The following LRRC9 variants were observed in gnomAD, a reference collection of about 807,000 sequenced individuals.
LRRC9 encodes the protein leucine rich repeat containing 9, also known as leucine-rich repeat-containing protein 9.
Under a neutral mutation model 63.2 loss-of-function variants are expected in LRRC9, and 122 were observed. That is an observed-to-expected ratio of 1.93 (90% CI 1.67 to 2.24). The LOEUF (loss-of-function observed/expected upper bound fraction) is 2.24, where lower values mean the gene tolerates loss of function less well. Ranked by LOEUF, LRRC9 falls within the 30% of genes most tolerant of loss-of-function variation. The probability of loss-of-function intolerance (pLI) is 0.00; values close to 1 mark genes in which losing one functional copy is unlikely to be tolerated. For synonymous variants in LRRC9, 366 were observed against 213.1 expected (o/e 1.72, Z -6.25); for missense variants, 1,071 against 627.7 (o/e 1.71, Z -7.55).
chr14:60,043,951 G>T (rs1267150596), intron 29 of LRRC9, among the ~76,000 whole-genome samples: 1 of 151,024 alleles, frequency 6.6e-6, no homozygotes, highest in Non-Finnish European at 1.5e-5. Flanking sequence ...TTCTTTTATG[G>T]GACATGTTTT....
intron 8 of LRRC9, among the ~76,000 whole-genome samples, chr14:59,952,747 T>G (rs1388810427): frequency 6.6e-6 from 1 of 152,130 alleles, no homozygotes; most frequent in Non-Finnish European, 1.5e-5. Flanking sequence ...CCTATCAACC[T>G]GTCATCTAGG....
At chr14:60,035,059 T>C (rs935877643) in intron 29 of LRRC9, among the ~76,000 whole-genome samples, 3 of 151,998 alleles carry the variant, frequency 2.0e-5, no homozygotes, top group African/African-American at 7.2e-5. Context: ...TGATACCACA[T>C]TGTGGTTTGG....
chr14:60,039,890 T>C (rs145121883), intron 29 of LRRC9, among the ~76,000 whole-genome samples: 2,329 of 152,276 alleles, frequency 0.015, 80 homozygotes, highest in African/African-American at 0.053. Flanking sequence ...TGCTTTCTCC[T>C]GTGTACATTT....
At chr14:60,048,550 T>C (rs1039430908) in intron 29 of LRRC9, among the ~76,000 whole-genome samples, 6 of 152,060 alleles carry the variant, frequency 3.9e-5, no homozygotes, top group African/African-American at 1.2e-4. Flanking sequence ...AAGAAATGGA[T>C]AAATTCCTGG....
chr14:60,008,526 A>G (rs1889999184), intron 23 of LRRC9, among the ~76,000 whole-genome samples: 1 of 152,178 alleles, frequency 6.6e-6, no homozygotes, highest in African/African-American at 2.4e-5. Context: ...CTGGGGATTT[A>G]GCATCCTCCT....
Position 60,005,236 on chromosome 14 carries a change from T to C in LRRC9, c.2843-1161T>C, listed in dbSNP as rs183648322. On this transcript the variant is annotated intron_variant, in intron 21 of 31. Transcript: ENST00000445360. ...AATCACTTAGGACACTTATTGAAGA[T>C]ACAGATTCACAGGCCTCTCTTCTGT... Among the ~76,000 whole-genome samples the C allele has an allele frequency of 7.0e-4, 107 of 152,212 alleles. 2 individuals are homozygous for C. The highest frequency in any genetic ancestry group is 2.4e-3 in the African/African-American group (100 of 41,584).
At chr14:60,012,229 CTA>C (rs1566874970) in intron 23 of LRRC9, among the ~76,000 whole-genome samples, 1 of 152,132 alleles carries the variant, frequency 6.6e-6, no homozygotes, top group Admixed American at 6.5e-5. Flanking sequence ...ACAAGGAACT[CTA>C]GAGAAGTTAC....
In LRRC9 at chr14:59,990,531, G is replaced by C. The variant is rs930058728; in HGVS notation, c.2211+5307G>C. Among the ~76,000 whole-genome samples, 1 of 151,608 alleles carries C rather than the reference G, an allele frequency of 6.6e-6. No homozygotes were observed. The highest frequency in any genetic ancestry group is 6.6e-5 in the Admixed American group (1 of 15,212). Reference sequence around the variant, plus strand: ...AGTGATCCCCTTGCCTCAGCCTCCTGGGTAGCTGGAACTACAGGTGCATGC... The same window carrying C: ...AGTGATCCCCTTGCCTCAGCCTCCTCGGTAGCTGGAACTACAGGTGCATGC... On this transcript the variant is annotated intron_variant, in intron 17 of 31. Coordinates refer to ENST00000445360, the Ensembl canonical transcript of LRRC9. This position sits in a 1 kb window ranked among gnomAD's most constrained non-coding sequence, Gnocchi z 4.2.
At position 59,962,137 on chromosome 14, in the gene LRRC9, G is replaced by C. The variant is rs994645050; in HGVS notation, c.1211+1092G>C. On this transcript the variant is annotated intron_variant, in intron 10 of 31. Transcript: ENST00000445360. This position sits in a 1 kb window ranked among gnomAD's most constrained non-coding sequence, Gnocchi z 5.1. ...CCTCTGTGAGTAAAAGCTTCTCAAA[G>C]GTCTTGGGAGAACTCTGATGGAAAA... Among the ~76,000 whole-genome samples the C allele has an allele frequency of 2.0e-5, 3 of 152,110 alleles. No homozygotes were observed. Among genetic ancestry groups the C allele is most frequent in the African/African-American group, 7.2e-5 (3 of 41,422 alleles).
chr14:59,981,934 G>T, exon 16 of LRRC9: 1 of 702,568 alleles, frequency 1.4e-6, no homozygotes. Flanking sequence ...TATTTTCCAA[G>T]GATTTGAAAT....
Position 60,027,742 on chromosome 14 carries a change from A to T in LRRC9, c.3704-142A>T, listed in dbSNP as rs1328294880. ...CTACCTTCCTGTAAATTACATTTCA[A>T]TTTCTCTTTGGAAATAAGTTTCTTG... On this transcript the variant is annotated intron_variant, in intron 27 of 31. Transcript: ENST00000445360. This position sits in a 1 kb window ranked among gnomAD's most constrained non-coding sequence, Gnocchi z 4.0. 3.7e-6 allele frequency: 2 copies of T among 534,238 alleles called. No individual in the cohort carries two copies. The highest frequency in any genetic ancestry group is 5.9e-5 in the East Asian group (2 of 33,870). The allele number at this position is 534,238 out of a possible 1,614,324, so 33.1% of individuals were successfully genotyped here. A position where few individuals can be genotyped will look rare whatever the true frequency, so the allele number is the denominator to read the frequency against.
chr14:59,971,893 A>G (rs1479832387), intron 12 of LRRC9, among the ~76,000 whole-genome samples: 1 of 151,978 alleles, frequency 6.6e-6, no homozygotes, highest in Non-Finnish European at 1.5e-5. Flanking sequence ...TAGTTCTTCC[A>G]TTTTTCACAG....
intron 25 of LRRC9, 123 bp from the exon 26 acceptor site, chr14:60,018,998 G>T (rs1481927181): frequency 8.4e-6 from 4 of 475,920 alleles, no homozygotes; most frequent in African/African-American, 8.1e-5. Context: ...GATTATTTAG[G>T]ATATAAACAT....
chr14:60,009,352 G>A (rs771989074), intron 23 of LRRC9, among the ~76,000 whole-genome samples: 18 of 152,266 alleles, frequency 1.2e-4, no homozygotes, highest in South Asian at 2.1e-4. Flanking sequence ...CAAAGGAAGC[G>A]TAAAGTCATG....
intron 22 of LRRC9, among the ~76,000 whole-genome samples, 169 bp from the exon 23 acceptor site, chr14:60,007,923 G>A: frequency 8.2e-6 from 1 of 121,898 alleles, no homozygotes; most frequent in East Asian, 2.3e-4. Context: ...CTGAGCAACA[G>A]CACGAGACCA....
At chr14:60,062,915 G>C (rs1479989972) in intron 31 of LRRC9, among the ~76,000 whole-genome samples, 3 of 147,874 alleles carry the variant, frequency 2.0e-5, no homozygotes, top group African/African-American at 7.4e-5. Flanking sequence ...TTTTGAGACA[G>C]AGTTTCACTC....
intron 23 of LRRC9, among the ~76,000 whole-genome samples, chr14:60,010,858 C>A (rs989801220): frequency 6.6e-6 from 1 of 152,158 alleles, no homozygotes; most frequent in Non-Finnish European, 1.5e-5. Context: ...CCATCTGAGA[C>A]CACCTCAGCC....
chr14:59,968,595 G>T (rs1002296339), intron 12 of LRRC9, among the ~76,000 whole-genome samples: 4 of 152,216 alleles, frequency 2.6e-5, no homozygotes, highest in Admixed American at 6.5e-5. Context: ...GTCACTGCAG[G>T]GTGGTGGTGA....
At chr14:59,944,491 A>T in intron 7 of LRRC9, 98 bp from the exon 8 acceptor site, 2 of 424,540 alleles carry the variant, frequency 4.7e-6, no homozygotes, top group Non-Finnish European at 8.3e-6. Flanking sequence ...AAATCATCTA[A>T]ATTGTTATAT....
Sources: allele counts gnomAD v4.1 joint callset (sites outside exome capture counted in the v4.1 genomes callset), GRCh38; gene constraint gnomAD v4.1.1; non-coding constraint Gnocchi (gnomAD v3.1); transcripts MANE v1.5; gene names NCBI Gene and HGNC (gene_info 2026-07-23, HGNC 2026-07-21).